The following DCAF12 variants were observed in gnomAD, a reference collection of about 807,000 sequenced individuals.
DCAF12 encodes the protein DDB1- and CUL4-associated factor 12.
DCAF12 carries 28 observed loss-of-function variants against 52.8 expected under a neutral mutation model. The ratio of observed to expected loss-of-function variants is 0.53; its 90% CI spans 0.39 to 0.73. DCAF12 has a LOEUF of 0.73. Among genes scored for constraint, DCAF12 ranks in the 30% least tolerant of loss-of-function variants. The pLI, the probability that DCAF12 is intolerant of heterozygous loss-of-function variation, is 0.00. For synonymous variants in DCAF12, 196 were observed against 215.5 expected (o/e 0.91, Z 0.79); for missense variants, 425 against 552.2 (o/e 0.77, Z 2.31).
chr9:34,088,049 C>A lies in DCAF12; in HGVS notation c.*301G>T. 4.9e-6 allele frequency: 1 copy of A among 204,018 alleles called. No homozygotes were observed. Among genetic ancestry groups the A allele is most frequent in the Non-Finnish European group, 9.8e-6 (1 of 101,966 alleles). 12.6% of individuals were successfully genotyped at this position (204,018 alleles called of 1,614,324 possible). ...GCTATGTCATTTCAGCCTGAAGAAG[C>A]CAGAGACAGGAGAATGTGTGTCACT... On this transcript the variant is annotated 3_prime_UTR_variant, in exon 9 of 9. Transcript: ENST00000361264.
At chr9:34,096,329 T>C (rs557700174) in intron 6 of DCAF12, 1 of 186,830 alleles carries the variant, frequency 5.4e-6, no homozygotes, top group Non-Finnish European at 1.1e-5. Flanking sequence ...CACTGATCCA[T>C]GAGCCATGAC....
rs2296897 is a variant in DCAF12 at position 34,089,397 on chromosome 9, T to C, written c.1203+15A>G. 0.34 allele frequency: 545,752 copies of C among 1,604,242 alleles called. 95,389 individuals carry two copies. The highest frequency in any genetic ancestry group is 0.36 in the Admixed American group (21,052 of 58,888). On this transcript the variant is annotated intron_variant, in intron 8 of 8. Coordinates refer to ENST00000361264, the MANE Select transcript of DCAF12 (RefSeq NM_015397.4). ...GTTACTGTGTAGCAGTCATCTCAGG[T>C]AGGGGCTTACGCACCAGCCAGCCTT...
At chr9:34,098,026 C>G (rs950511505) in intron 5 of DCAF12, among the ~76,000 whole-genome samples, 8 of 151,838 alleles carry the variant, frequency 5.3e-5, no homozygotes, top group Non-Finnish European at 1.5e-5. Flanking sequence ...CAGAATACAG[C>G]ACCTGCAAAG....
Position 34,125,092 on chromosome 9 carries a change from G to T in DCAF12, c.264C>A (p.Thr88=). The T allele has an allele frequency of 6.2e-7, 1 of 1,613,996 alleles. No homozygotes were observed. The highest frequency in any genetic ancestry group is 8.5e-7 in the Non-Finnish European group (1 of 1,180,008). ...LLKEREFHLG[T]LNKVFASQWL... is the part of the protein sequence containing the mutation. ...ACTGAGATGCAAACACTTTATTAAG[G>T]GTCCCAAGGTGAAACTCTCTCTCCT... The change falls in exon 2 of 9, where the codon ACC becomes ACA. Residue 88 remains threonine (T), a synonymous_variant. Transcript: ENST00000361264.
chr9:34,117,645 T>G (rs1829108607), intron 2 of DCAF12, among the ~76,000 whole-genome samples: 1 of 152,160 alleles, frequency 6.6e-6, no homozygotes, highest in South Asian at 2.1e-4. Flanking sequence ...CTGGGTGCAG[T>G]GGCTCACACC....
At chr9:34,102,014 CAAA>C (rs141617386) in intron 4 of DCAF12, among the ~76,000 whole-genome samples, 18 of 130,308 alleles carry the variant, frequency 1.4e-4, no homozygotes, top group Non-Finnish European at 1.6e-4. Context: ...GACCCTGTCG[CAAA>C]AAAAAAAAAA....
intron 6 of DCAF12, among the ~76,000 whole-genome samples, chr9:34,094,220 C>A (rs532051031): frequency 1.3e-5 from 2 of 152,112 alleles, no homozygotes; most frequent in Admixed American, 1.3e-4. Flanking sequence ...GGCTGGCCAA[C>A]CTGGTGAGAT....
At chr9:34,093,971 G>C (rs540871761) in intron 6 of DCAF12, among the ~76,000 whole-genome samples, 1 of 152,266 alleles carries the variant, frequency 6.6e-6, no homozygotes, top group East Asian at 1.9e-4. Flanking sequence ...CTGGGTCTTC[G>C]TCAGTTAGCA....
intron 6 of DCAF12, among the ~76,000 whole-genome samples, chr9:34,094,860 G>C (rs931162640): frequency 6.6e-6 from 1 of 151,952 alleles, no homozygotes; most frequent in Admixed American, 6.6e-5. Context: ...TATATGTAAG[G>C]AGCTATCTTG....
chr9:34,116,304 C>T (rs921291306), intron 2 of DCAF12, among the ~76,000 whole-genome samples: 2 of 151,840 alleles, frequency 1.3e-5, no homozygotes, highest in African/African-American at 4.8e-5. Context: ...CTGCAGAGAT[C>T]GCGCCACTGA....
At chr9:34,122,432 T>A (rs1829189356) in intron 2 of DCAF12, among the ~76,000 whole-genome samples, 1 of 151,894 alleles carries the variant, frequency 6.6e-6, no homozygotes, top group Non-Finnish European at 1.5e-5. Context: ...ACATTCACCC[T>A]GCCATCTTTC....
chr9:34,117,910 G>C (rs1829111894), intron 2 of DCAF12, among the ~76,000 whole-genome samples: 2 of 152,034 alleles, frequency 1.3e-5, no homozygotes, highest in Non-Finnish European at 2.9e-5. Context: ...GCGAAACTCT[G>C]TCTCAAAAAA....
intron 6 of DCAF12, among the ~76,000 whole-genome samples, chr9:34,094,462 T>C (rs1054147054): frequency 3.9e-5 from 6 of 151,980 alleles, no homozygotes; most frequent in African/African-American, 1.4e-4. Flanking sequence ...TATGTAAAAG[T>C]TGCTTGTTGA....
intron 1 of DCAF12, among the ~76,000 whole-genome samples, chr9:34,126,051 T>C (rs1161771846): frequency 6.6e-6 from 1 of 152,166 alleles, no homozygotes; most frequent in Non-Finnish European, 1.5e-5. Flanking sequence ...CCGATTCCCT[T>C]AACTTCGGTT....
Position 34,096,788 on chromosome 9 carries a change from G to C in DCAF12, c.796-7C>G, listed in dbSNP as rs764517948. 25 of 1,613,372 alleles carry C rather than the reference G, an allele frequency of 1.5e-5. No individual in the cohort carries two copies. Among genetic ancestry groups the C allele is most frequent in the Non-Finnish European group, 2.0e-5 (24 of 1,179,744 alleles). The stretch of plus-strand genomic sequence containing the variant: ...GAGACACTGCTCCCAGTTCCTACAA[G>C]AGCAATGAAAACCAGGTTATATTAT... On this transcript the variant is annotated splice_polypyrimidine_tract_variant and splice_region_variant and intron_variant, in intron 5 of 8. Transcript: ENST00000361264.
chr9:34,108,617 AC>A (rs1828942756), intron 2 of DCAF12, among the ~76,000 whole-genome samples: 1 of 151,458 alleles, frequency 6.6e-6, no homozygotes, highest in South Asian at 2.1e-4. Context: ...CATGGTGAAA[AC>A]CCTACTAAAC....
At chr9:34,089,279 T>C in intron 8 of DCAF12, 133 bp downstream of exon 8, 3 of 1,066,942 alleles carry the variant, frequency 2.8e-6, no homozygotes, top group South Asian at 1.9e-5. Context: ...GGGGAAGTCT[T>C]TTCCTGTTCC....
At chr9:34,097,940 A>T (rs1411499052) in intron 5 of DCAF12, among the ~76,000 whole-genome samples, 1 of 88,214 alleles carries the variant, frequency 1.1e-5, no homozygotes, top group East Asian at 3.4e-4. Flanking sequence ...TCTCAAAAAG[A>T]AAAAAAAAAA....
chr9:34,093,003 G>A (rs1319040026), intron 7 of DCAF12, among the ~76,000 whole-genome samples: 3 of 152,164 alleles, frequency 2.0e-5, no homozygotes, highest in African/African-American at 4.8e-5. Context: ...GCGCCACTGC[G>A]CCCGGCTAAT....
Sources: gnomAD v4.1 joint callset for allele counts (sites outside exome capture counted in the v4.1 genomes callset) on GRCh38, gnomAD v4.1.1 for gene constraint, MANE v1.5 for transcripts, NCBI Gene and HGNC (gene_info 2026-07-23, HGNC 2026-07-21) for gene names.